Variants in SUGCT observed in about 807,000 individuals in gnomAD.
SUGCT encodes succinyl-CoA:glutarate-CoA transferase.
Under a neutral mutation model 55.0 loss-of-function variants are expected in SUGCT, and 41 were observed. The observed-to-expected ratio is 0.74, with a 90% confidence interval of 0.58 to 0.97. The LOEUF (loss-of-function observed/expected upper bound fraction) is 0.97. Ranked by LOEUF, SUGCT falls within the 50% of genes least tolerant of loss-of-function variation. SUGCT has a pLI of 0.00. For missense variants in SUGCT, 568 were observed against 547.8 expected (o/e 1.04, Z -0.37); for synonymous variants, 187 against 200.4 (o/e 0.93, Z 0.56).
the SUGCT span, among the ~76,000 whole-genome samples, chr7:41,031,320 C>T: frequency 6.6e-6 from 1 of 152,104 alleles, no homozygotes; most frequent in East Asian, 1.9e-4. Flanking sequence ...ATGGTCTGGG[C>T]TCTCTGATTT....
At position 40,258,275 on chromosome 7, in the gene SUGCT, G is replaced by A. The variant is rs191567492; in HGVS notation, c.577-16238G>A. Among the ~76,000 whole-genome samples the A allele has an allele frequency of 3.7e-3, 561 of 152,314 alleles. 13 individuals are homozygous for A. The highest frequency in any genetic ancestry group is 0.023 in the Admixed American group (352 of 15,292). On this transcript the variant is annotated intron_variant, in intron 7 of 13. Transcript: ENST00000335693. ...TTAACACCTTTATTGAACAGTCATA[G>A]GAATCAAAATCTGGGTTTGAATTTT...
the SUGCT span, among the ~76,000 whole-genome samples, chr7:40,977,205 G>T: frequency 6.6e-6 from 1 of 152,204 alleles, no homozygotes; most frequent in African/African-American, 2.4e-5. Flanking sequence ...CCGATCCTCT[G>T]GCGGCTGCTG....
intron 13 of SUGCT, among the ~76,000 whole-genome samples, chr7:40,771,347 C>T (rs773896039): frequency 6.6e-5 from 10 of 152,140 alleles, no homozygotes; most frequent in Non-Finnish European, 1.0e-4. Flanking sequence ...AACTATAACA[C>T]TATAGTTATC....
intron 9 of SUGCT, among the ~76,000 whole-genome samples, chr7:40,438,491 C>CT (rs1449656509): frequency 4.6e-5 from 7 of 152,118 alleles, no homozygotes. Flanking sequence ...TTTGGTTTCC[C>CT]TATCAGTGAA....
chr7:40,195,024 G>A lies in SUGCT; in HGVS notation c.448G>A (p.Glu150Lys), dbSNP rs1786162388. 5.6e-6 allele frequency: 9 copies of A among 1,613,630 alleles called. No individual in the cohort carries two copies. The highest frequency in any genetic ancestry group is 2.2e-5 in the South Asian group (2 of 91,060). The change falls in exon 6 of 14, where the codon GAG becomes AAG. Residue 150 changes from glutamate to lysine, a missense_variant. By Grantham distance (56) the Glu-to-Lys change is moderately conservative (BLOSUM62 1). Coordinates refer to ENST00000335693, the MANE Select transcript of SUGCT (RefSeq NM_001193313.2). ...GGGCCTGGGATATGAAGATATAGACGAGATTGCTCCTCACATCATCTATTG... is the reference window on the plus strand; with the variant it reads ...GGGCCTGGGATATGAAGATATAGACAAGATTGCTCCTCACATCATCTATTG... The part of the protein sequence containing the change: ...AMGLGYEDID[E>K]IAPHIIYCSI...
At chr7:40,462,095 A>G (rs1209857717) in intron 11 of SUGCT, among the ~76,000 whole-genome samples, 1 of 152,372 alleles carries the variant, frequency 6.6e-6, no homozygotes, top group African/African-American at 2.4e-5. Flanking sequence ...GACAAAGTGT[A>G]TCCATGAAAA....
chr7:40,342,270 G>A (rs964038579), intron 9 of SUGCT, among the ~76,000 whole-genome samples: 2 of 152,284 alleles, frequency 1.3e-5, no homozygotes, highest in Middle Eastern at 3.4e-3. Context: ...ATACAGGGAC[G>A]AAAGGGGACT....
intron 9 of SUGCT, among the ~76,000 whole-genome samples, chr7:40,340,602 G>A (rs1209399978): frequency 6.6e-6 from 1 of 152,124 alleles, no homozygotes; most frequent in Non-Finnish European, 1.5e-5. Context: ...AGTAAAAGAA[G>A]CAAAAGTAGG....
At chr7:40,154,658 A>G (rs886543256) in intron 1 of SUGCT, among the ~76,000 whole-genome samples, 8 of 151,954 alleles carry the variant, frequency 5.3e-5, no homozygotes, top group African/African-American at 1.4e-4. Context: ...CCTGTTTTCT[A>G]TTTTGCCAAG....
At chr7:40,528,628 C>T (rs1793926168) in intron 12 of SUGCT, among the ~76,000 whole-genome samples, 1 of 152,080 alleles carries the variant, frequency 6.6e-6, no homozygotes, top group South Asian at 2.1e-4. Context: ...TTAAGAATGA[C>T]CCAAGTAAAA....
At chr7:40,794,540 C>T (rs1015724718) in intron 13 of SUGCT, among the ~76,000 whole-genome samples, 1 of 152,076 alleles carries the variant, frequency 6.6e-6, no homozygotes, top group African/African-American at 2.4e-5. Flanking sequence ...TCTTGTACAA[C>T]CCTTAAGCTA....
At chr7:40,462,745 A>T (rs1789871913) in intron 11 of SUGCT, among the ~76,000 whole-genome samples, 1 of 152,152 alleles carries the variant, frequency 6.6e-6, no homozygotes, top group African/African-American at 2.4e-5. Context: ...ACAGTCAAGA[A>T]TTCCTGCCCT....
At chr7:40,233,392 TG>T (rs1444387195) in intron 6 of SUGCT, among the ~76,000 whole-genome samples, 2 of 151,982 alleles carry the variant, frequency 1.3e-5, no homozygotes, top group East Asian at 3.9e-4. Context: ...GCTAATTTTT[TG>T]TATCTTTAGT....
chr7:40,167,360 G>A (rs1784470595), intron 1 of SUGCT, among the ~76,000 whole-genome samples: 1 of 152,198 alleles, frequency 6.6e-6, no homozygotes, highest in African/African-American at 2.4e-5. Context: ...TGGAAATTGA[G>A]GAAGAGGTAG....
chr7:40,591,763 G>C (rs1797732860), intron 12 of SUGCT, among the ~76,000 whole-genome samples: 1 of 152,166 alleles, frequency 6.6e-6, no homozygotes, highest in Admixed American at 6.5e-5. Flanking sequence ...AAAAGGTTAT[G>C]ATGTGCTGAT....
chr7:40,818,366 A>C (rs1356404712), intron 13 of SUGCT, among the ~76,000 whole-genome samples: 1 of 152,230 alleles, frequency 6.6e-6, no homozygotes, highest in Non-Finnish European at 1.5e-5. Flanking sequence ...CTCATAGTCC[A>C]TAGATTGGTA....
chr7:40,721,423 C>T (rs977101959), intron 12 of SUGCT, among the ~76,000 whole-genome samples: 1 of 152,004 alleles, frequency 6.6e-6, no homozygotes, highest in African/African-American at 2.4e-5. Flanking sequence ...GCAACAGTGG[C>T]GGCAGATAAG....
the SUGCT span, among the ~76,000 whole-genome samples, chr7:40,951,357 T>C: frequency 1.3e-5 from 2 of 152,170 alleles, no homozygotes; most frequent in South Asian, 4.1e-4. Flanking sequence ...TTCTTCTTTA[T>C]TAGTCTTGCT....
intron 6 of SUGCT, among the ~76,000 whole-genome samples, chr7:40,201,777 TA>T (rs1481165951): frequency 1.3e-5 from 2 of 152,156 alleles, no homozygotes; most frequent in Non-Finnish European, 2.9e-5. Context: ...CCCAACAGTA[TA>T]ACCTTTTATC....
Sources: allele counts gnomAD v4.1 joint callset (sites outside exome capture counted in the v4.1 genomes callset), GRCh38; gene constraint gnomAD v4.1.1; transcripts MANE v1.5; gene names NCBI Gene and HGNC (gene_info 2026-07-23, HGNC 2026-07-21).